The following ZNF699 variants were observed in gnomAD, a reference collection of about 807,000 sequenced individuals.
The protein encoded by ZNF699 is zinc finger protein 699.
In ZNF699, 18 loss-of-function variants were observed where a neutral mutation model predicts 22.5. The ratio of observed to expected loss-of-function variants is 0.80; its 90% CI spans 0.55 to 1.19. The LOEUF is 1.19. Among genes scored for constraint, ZNF699 ranks in the 50% most tolerant of loss-of-function variants. The pLI, the probability that ZNF699 is intolerant of heterozygous loss-of-function variation, is 0.00. For synonymous variants in ZNF699, 241 were observed against 262.3 expected (o/e 0.92, Z 0.78); for missense variants, 670 against 763.4 (o/e 0.88, Z 1.44).
chr19:9,303,821 CTTT>C (rs144086110), intron 2 of ZNF699, among the ~76,000 whole-genome samples: 4 of 136,202 alleles, frequency 2.9e-5, no homozygotes, highest in Non-Finnish European at 1.5e-5. Context: ...AAATTGTTTT[CTTT>C]TTTTTTTTTT....
rs374781593 is a variant in ZNF699, at chr19:9,296,025, G to T, written c.1379C>A (p.Ser460Ter). ...KECGKAFSCP[S>*]SFRAHVRDHT... ...ATCTCTCACATGTGCTCTAAAGGACGAGGGACAACTAAAGGCCTTCCCACA... is the reference window on the plus strand; with the variant it reads ...ATCTCTCACATGTGCTCTAAAGGACTAGGGACAACTAAAGGCCTTCCCACA... Residue 460 changes from serine (S) to a stop codon, truncating the protein, a stop_gained, in exon 6 of 6, where the codon TCG becomes TAG. Transcript: ENST00000591998. LOFTEE classifies it low-confidence loss of function (END_TRUNC). 6.2e-7 allele frequency: 1 copy of T among 1,614,040 alleles called. No homozygotes were observed. The highest frequency in any genetic ancestry group is 8.5e-7 in the Non-Finnish European group (1 of 1,180,006).
intron 1 of ZNF699, among the ~76,000 whole-genome samples, chr19:9,305,480 G>T (rs891056315): frequency 6.6e-6 from 1 of 152,130 alleles, no homozygotes; most frequent in Admixed American, 6.6e-5. Flanking sequence ...ATAACAAAAA[G>T]TATAAAATGT....
At chr19:9,298,098 CTG>C in intron 3 of ZNF699, 108 bp from the exon 4 acceptor site, 2 of 664,786 alleles carry the variant, frequency 3.0e-6, no homozygotes, top group Non-Finnish European at 5.2e-6. Context: ...AAATGGACAA[CTG>C]TGAGTTTAAC....
Position 9,295,602 on chromosome 19 carries a change from G to A in ZNF699, c.1802C>T (p.Ser601Phe), listed in dbSNP as rs1253958978. ...ECGKAFSCPS[S>F]FRRHVRSHTG... is the part of the protein sequence containing the mutation. ...GTGGCTTCTCACATGCCTTCGAAAG[G>A]ATGAGGGACAACTGAAAGCTTTTCC... The change falls in exon 6 of 6, where the codon TCC becomes TTC. Residue 601 changes from serine to phenylalanine, a missense_variant. Transcript: ENST00000591998. 1.2e-6 allele frequency: 2 copies of A among 1,612,750 alleles called. No individual in the cohort carries two copies. Among genetic ancestry groups the A allele is most frequent in the Non-Finnish European group, 1.7e-6 (2 of 1,179,730 alleles).
At chr19:9,296,985 T>A (rs751686436) in intron 5 of ZNF699, 52 bp from the exon 6 acceptor site, 1 of 1,397,396 alleles carries the variant, frequency 7.2e-7, no homozygotes, top group Non-Finnish European at 9.6e-7. Flanking sequence ...CCAATTTCAG[T>A]GAATGTATAT....
At position 9,296,520 on chromosome 19, in the gene ZNF699, G is replaced by A. The variant is rs542869997; in HGVS notation, c.884C>T (p.Thr295Ile). 6.2e-6 allele frequency: 10 copies of A among 1,613,590 alleles called. No homozygotes were observed. The highest frequency in any genetic ancestry group is 5.5e-5 in the South Asian group (5 of 91,064). The change falls in exon 6 of 6, where the codon ACA becomes ATA. Residue 295 changes from threonine to isoleucine, a missense_variant. By Grantham distance (89) the Thr-to-Ile change is moderately conservative (BLOSUM62 -1). Transcript: ENST00000591998. The stretch of plus-strand genomic sequence containing the variant: ...TCCACTGTGAATTCTTTTGTGTTCT[G>A]TGAGCGATGAGGAACAACTAAAACC... ...GKGFSCSSSL[T>I]EHKRIHSGDK... is the part of the protein sequence containing the mutation.
In ZNF699 at chr19:9,296,343, A is replaced by G. The variant is rs1568344826; in HGVS notation, c.1061T>C (p.Ile354Thr). ...AGGCTTCTCTCCAGTGTGAATTCTT[A>G]TATGTATTATAAGGTGAGAGGAAGA... ...FSSSSHLIIH[I>T]RIHTGEKPYE... The change falls in exon 6 of 6, where the codon ATA becomes ACA. Residue 354 changes from isoleucine to threonine, a missense_variant. Transcript: ENST00000591998. 2 of 1,613,396 alleles carry G rather than the reference A, an allele frequency of 1.2e-6. No individual in the cohort carries two copies. The highest frequency in any genetic ancestry group is 1.1e-5 in the South Asian group (1 of 91,046).
intron 3 of ZNF699, among the ~76,000 whole-genome samples, chr19:9,299,731 A>G (rs1294562663): frequency 1.3e-5 from 2 of 152,236 alleles, no homozygotes; most frequent in Non-Finnish European, 2.9e-5. Context: ...GATAAGCCAC[A>G]GCCTGGGAGA....
chr19:9,297,530 G>A lies in ZNF699; in HGVS notation c.287-51C>T, dbSNP rs1178797555. The A allele has an allele frequency of 6.8e-7, 1 of 1,465,936 alleles. No individual in the cohort carries two copies. The highest frequency in any genetic ancestry group is 2.3e-5 in the East Asian group (1 of 42,900). The allele number at this position is 1,465,936 out of a possible 1,614,324, so 90.8% of individuals were successfully genotyped here. ...CCATGAGCCAAGGACTTTTAGCAGA[G>A]TGACTATTTCAGGACTTTGGTATTA... On this transcript the variant is annotated intron_variant, in intron 4 of 5. Transcript: ENST00000591998. The surrounding 1 kb of genome is among the most constrained non-coding windows in gnomAD (Gnocchi z 4.3).
rs1354981981 is a variant in ZNF699 at position 9,291,660 on chromosome 19, T to A, written c.*3815A>T. ...CAGGCAAATAATTCTTAAACAGGTG[T>A]CAGATCTCAAGTTGATCTTTATGCT... On this transcript the variant is annotated 3_prime_UTR_variant, in exon 6 of 6. Coordinates refer to ENST00000591998, the MANE Select transcript of ZNF699 (RefSeq NM_198535.3). 6.6e-6 allele frequency: 1 copy of A among 151,426 alleles called. No homozygotes were observed. The highest frequency in any genetic ancestry group is 2.4e-5 in the African/African-American group (1 of 41,274). The allele number at this position is 151,426 out of a possible 1,614,324, so 9.4% of individuals were successfully genotyped here.
intron 1 of ZNF699, among the ~76,000 whole-genome samples, chr19:9,306,104 G>T (rs2066326813): frequency 1.3e-5 from 2 of 149,160 alleles, no homozygotes. Context: ...AGCAGAATAA[G>T]AATACTTGGC....
At chr19:9,304,327 G>T (rs916425226) in intron 2 of ZNF699, among the ~76,000 whole-genome samples, 1 of 151,654 alleles carries the variant, frequency 6.6e-6, no homozygotes, top group Non-Finnish European at 1.5e-5. Context: ...TTAAACACAG[G>T]GTCAAATCTA....
Position 9,291,538 on chromosome 19 carries a change from G to A in ZNF699, c.*3937C>T, listed in dbSNP as rs984736339. 11 of 151,828 alleles carry A rather than the reference G, an allele frequency of 7.2e-5. No individual in the cohort carries two copies. Among genetic ancestry groups the A allele is most frequent in the African/African-American group, 2.4e-4 (10 of 41,332 alleles). The allele number at this position is 151,828 out of a possible 1,614,324, so 9.4% of individuals were successfully genotyped here. A position where few individuals can be genotyped will look rare whatever the true frequency, so the allele number is the denominator to read the frequency against. On this transcript the variant is annotated 3_prime_UTR_variant, in exon 6 of 6. Transcript: ENST00000591998. ...CACACACCTTGATCCTACCTCACAC[G>A]CTACAAAAAATTATTCAAAGTAGAT... is the stretch of plus-strand genomic sequence containing the variant.
intron 3 of ZNF699, among the ~76,000 whole-genome samples, chr19:9,299,173 C>G (rs987909209): frequency 6.6e-6 from 1 of 152,190 alleles, no homozygotes; most frequent in Non-Finnish European, 1.5e-5. Flanking sequence ...CTCGCTCTGT[C>G]GCCCAGGCGG....
chr19:9,308,569 G>A (rs1261209379), intron 1 of ZNF699, among the ~76,000 whole-genome samples: 2 of 152,022 alleles, frequency 1.3e-5, no homozygotes, highest in Non-Finnish European at 2.9e-5. Flanking sequence ...TTTGGGAGGC[G>A]GAGAGCCCAT....
At chr19:9,306,948 C>T (rs1451577181) in intron 1 of ZNF699, among the ~76,000 whole-genome samples, 1 of 152,206 alleles carries the variant, frequency 6.6e-6, no homozygotes, top group Non-Finnish European at 1.5e-5. Context: ...GCTTGTAATC[C>T]CAGCACTTTG....
chr19:9,309,291 A>G (rs2066338717), intron 1 of ZNF699, 59 bp downstream of exon 1: 1 of 151,670 alleles, frequency 6.6e-6, no homozygotes, highest in Non-Finnish European at 1.5e-5. Flanking sequence ...AACACTACCT[A>G]ATGCATAAAG....
chr19:9,305,289 G>GCA (rs2066323632), intron 1 of ZNF699, among the ~76,000 whole-genome samples, 165 bp from the exon 2 acceptor site: 7 of 141,232 alleles, frequency 5.0e-5, no homozygotes, highest in African/African-American at 2.2e-4. Context: ...ACACACACAT[G>GCA]CACACACCCA....
intron 2 of ZNF699, among the ~76,000 whole-genome samples, chr19:9,303,851 T>A (rs2066317202): frequency 6.6e-6 from 1 of 151,354 alleles, no homozygotes. Context: ...GGGGTCTCGC[T>A]CTGTCGCCCA....
Sources: allele counts gnomAD v4.1 joint callset (sites outside exome capture counted in the v4.1 genomes callset), GRCh38; gene constraint gnomAD v4.1.1; non-coding constraint Gnocchi (gnomAD v3.1); transcripts MANE v1.5; gene names NCBI Gene and HGNC (gene_info 2026-07-23, HGNC 2026-07-21).